Variants in LHFPL6 observed in about 807,000 individuals in gnomAD.
The protein encoded by LHFPL6 is LHFPL tetraspan subfamily member 6 protein.
A neutral mutation model predicts 20.6 loss-of-function variants in LHFPL6; 9 were observed. The ratio of observed to expected loss-of-function variants is 0.44; its 90% CI spans 0.26 to 0.76. LHFPL6 has a LOEUF of 0.76. LHFPL6 is among the 30% of genes least tolerant of loss of function. LHFPL6 has a pLI of 0.20. For synonymous variants in LHFPL6, 105 were observed against 98.7 expected, an observed-to-expected ratio of 1.06 and a Z score of -0.38; for missense variants, 218 against 253.5, an observed-to-expected ratio of 0.86 and a Z score of 0.95.
intron 2 of LHFPL6, among the ~76,000 whole-genome samples, chr13:39,440,891 G>A (rs772579289): frequency 1.3e-5 from 2 of 152,080 alleles, no homozygotes; most frequent in Non-Finnish European, 2.9e-5. Context: ...AGGTCTGATG[G>A]TTTTAAAAAT....
chr13:39,484,194 G>C (rs1868635147), intron 2 of LHFPL6, among the ~76,000 whole-genome samples: 1 of 152,056 alleles, frequency 6.6e-6, no homozygotes, highest in African/African-American at 2.4e-5. Flanking sequence ...GCCTACAAAA[G>C]CACTTCATAT....
At chr13:39,371,014 TG>T (rs1236089581) in intron 3 of LHFPL6, among the ~76,000 whole-genome samples, 6 of 152,192 alleles carry the variant, frequency 3.9e-5, no homozygotes, top group African/African-American at 1.4e-4. Context: ...CTAAAGGATA[TG>T]TGTCTAAAGA....
intron 2 of LHFPL6, among the ~76,000 whole-genome samples, chr13:39,571,005 A>C (rs943133736): frequency 1.2e-4 from 19 of 152,230 alleles, no homozygotes; most frequent in African/African-American, 4.6e-4. Flanking sequence ...CTAGATTGAA[A>C]GTGTGAAAAA....
At chr13:39,405,469 A>T (rs527764683) in intron 2 of LHFPL6, among the ~76,000 whole-genome samples, 1 of 152,366 alleles carries the variant, frequency 6.6e-6, no homozygotes, top group South Asian at 2.1e-4. Context: ...GAGCTGTGCT[A>T]AAAGAAACAG....
At chr13:39,586,916 G>C (rs1872465596) in intron 2 of LHFPL6, among the ~76,000 whole-genome samples, 1 of 152,098 alleles carries the variant, frequency 6.6e-6, no homozygotes, top group African/African-American at 2.4e-5. Context: ...TAGCACTTTG[G>C]GAGGCCGAGG....
At chr13:39,439,778 G>T (rs924889036) in intron 2 of LHFPL6, among the ~76,000 whole-genome samples, 2 of 151,966 alleles carry the variant, frequency 1.3e-5, no homozygotes, top group Non-Finnish European at 2.9e-5. Context: ...TCCTTCTCTG[G>T]CATGTGAAGT....
chr13:39,368,354 C>T (rs537312754), intron 3 of LHFPL6, among the ~76,000 whole-genome samples: 11 of 151,518 alleles, frequency 7.3e-5, no homozygotes, highest in East Asian at 1.9e-4. Context: ...GAGGCTGAGG[C>T]GGGCAGATAA....
At chr13:39,389,610 AC>A (rs1870653221) in intron 2 of LHFPL6, among the ~76,000 whole-genome samples, 2 of 152,176 alleles carry the variant, frequency 1.3e-5, no homozygotes, top group East Asian at 1.9e-4. Context: ...AGCCACCTGC[AC>A]CTCTTGGGGA....
chr13:39,502,862 C>A (rs935499133), intron 2 of LHFPL6, among the ~76,000 whole-genome samples: 3 of 152,046 alleles, frequency 2.0e-5, no homozygotes, highest in Admixed American at 1.3e-4. Flanking sequence ...AATACATTTT[C>A]TTTTTTAAAT....
chr13:39,563,955 G>C (rs1340898008), intron 2 of LHFPL6, among the ~76,000 whole-genome samples: 1 of 152,228 alleles, frequency 6.6e-6, no homozygotes, highest in South Asian at 2.1e-4. Flanking sequence ...GACACTTGTT[G>C]TATATCCCCC....
At chr13:39,474,056 C>T (rs1286201189) in intron 2 of LHFPL6, among the ~76,000 whole-genome samples, 1 of 152,188 alleles carries the variant, frequency 6.6e-6, no homozygotes, top group Non-Finnish European at 1.5e-5. Flanking sequence ...GAGGCCAATG[C>T]TGGGTGGTTT....
intron 2 of LHFPL6, among the ~76,000 whole-genome samples, chr13:39,422,602 A>AATAAG (rs67032774): frequency 1.7e-5 from 2 of 114,302 alleles, no homozygotes; most frequent in African/African-American, 5.9e-5. Context: ...AAAAAAAAAA[A>AATAAG]AAGAAGAAGA....
chr13:39,569,874 C>T (rs1464117412), intron 2 of LHFPL6, among the ~76,000 whole-genome samples: 2 of 152,088 alleles, frequency 1.3e-5, no homozygotes, highest in Non-Finnish European at 1.5e-5. Flanking sequence ...GCTAACAATT[C>T]GAAACGTTTT....
intron 2 of LHFPL6, among the ~76,000 whole-genome samples, chr13:39,562,723 G>A (rs543830329): frequency 1.0e-3 from 147 of 147,342 alleles, no homozygotes; most frequent in Non-Finnish European, 1.2e-3. Flanking sequence ...CACACACTAC[G>A]TGTATAGAAT....
intron 2 of LHFPL6, among the ~76,000 whole-genome samples, chr13:39,380,575 A>G (rs909026586): frequency 4.6e-5 from 7 of 151,062 alleles, no homozygotes; most frequent in African/African-American, 7.3e-5. Flanking sequence ...CAGTGGTGCA[A>G]TCTAAGCTCA....
chr13:39,417,021 G>T (rs940318173), intron 2 of LHFPL6, among the ~76,000 whole-genome samples: 5 of 152,196 alleles, frequency 3.3e-5, no homozygotes, highest in African/African-American at 9.6e-5. Flanking sequence ...ATACATTTAG[G>T]TTATTCCAAG....
At chr13:39,557,546 C>A (rs1413691478) in intron 2 of LHFPL6, among the ~76,000 whole-genome samples, 1 of 152,242 alleles carries the variant, frequency 6.6e-6, no homozygotes, top group Non-Finnish European at 1.5e-5. Context: ...GGGCTGCCGC[C>A]CTCTAGTCCC....
chr13:39,557,192 T>C (rs1871331624), intron 2 of LHFPL6, among the ~76,000 whole-genome samples: 1 of 152,056 alleles, frequency 6.6e-6, no homozygotes, highest in Non-Finnish European at 1.5e-5. Context: ...CCCAGAAGCC[T>C]AGAAGGAGAA....
chr13:39,580,632 T>A (rs1234317650), intron 2 of LHFPL6, among the ~76,000 whole-genome samples: 1 of 152,204 alleles, frequency 6.6e-6, no homozygotes, highest in Non-Finnish European at 1.5e-5. Context: ...AGAGCAGGAT[T>A]CAATAAATAT....
Sources: gnomAD v4.1 joint callset for allele counts (sites outside exome capture counted in the v4.1 genomes callset) on GRCh38, gnomAD v4.1.1 for gene constraint, MANE v1.5 for transcripts, NCBI Gene and HGNC (gene_info 2026-07-23, HGNC 2026-07-21) for gene names.